The following ZNF529 variants were observed in gnomAD, a reference collection of about 807,000 sequenced individuals.
ZNF529 encodes zinc finger protein 529.
A neutral mutation model predicts 10.1 loss-of-function variants in ZNF529; 11 were observed. The observed-to-expected ratio is 1.09, with a 90% CI of 0.69 to 1.81. The LOEUF is 1.81. Among genes scored for constraint, ZNF529 ranks in the 40% most tolerant of loss-of-function variants. The pLI is 0.00. For missense variants in ZNF529, 624 were observed against 666.8 expected, an observed-to-expected ratio of 0.94 and a Z score of 0.71; for synonymous variants, 204 against 215.7, an observed-to-expected ratio of 0.95 and a Z score of 0.47.
upstream of ZNF529, chr19:36,573,693 T>C (rs1294191823): frequency 2.1e-4 from 69 of 327,432 alleles, no homozygotes; most frequent in Non-Finnish European, 4.4e-5. Context: ...GTGAAGGGAG[T>C]CGCGGACCCG....
At chr19:36,554,579 T>A (rs1600259650) in intron 4 of ZNF529, 91 bp downstream of exon 4, 2 of 1,188,992 alleles carry the variant, frequency 1.7e-6, no homozygotes, top group Non-Finnish European at 2.2e-6. Flanking sequence ...CTCCATCTCA[T>A]AAACAAAACA....
upstream of ZNF529, chr19:36,574,963 G>A (rs143258526): frequency 2.1e-6 from 1 of 467,010 alleles, no homozygotes; most frequent in Admixed American, 2.4e-5. Flanking sequence ...GTTGTGATTT[G>A]TGTGTGTGAG....
At chr19:36,603,006 A>C (rs986528053) in intron 1 of ZNF529, among the ~76,000 whole-genome samples, 2 of 151,432 alleles carry the variant, frequency 1.3e-5, no homozygotes, top group African/African-American at 4.9e-5. Flanking sequence ...TAAATCTCCT[A>C]AGGTATCCCC....
At chr19:36,568,474 C>CG (rs1555787630) in intron 2 of ZNF529, among the ~76,000 whole-genome samples, 1 of 131,172 alleles carries the variant, frequency 7.6e-6, no homozygotes, top group East Asian at 2.2e-4. Context: ...GATTTTCTTT[C>CG]TTTTTTTTTT....
Position 36,548,074 on chromosome 19 carries a change from G to A in ZNF529, c.484C>T (p.Arg162Trp), listed in dbSNP as rs377516723. 1.1e-5 allele frequency: 18 copies of A among 1,613,758 alleles called. 1 individual carries two copies. Among genetic ancestry groups the A allele is most frequent in the Admixed American group, 6.7e-5 (4 of 60,004 alleles). ...GGCTTCTCACTGTCATGAGTTCTCCGAGGTAAAGTAAGAGATTCATGAGTT... is the reference window on the plus strand; with the variant it reads ...GGCTTCTCACTGTCATGAGTTCTCCAAGGTAAAGTAAGAGATTCATGAGTT... ...YKTHESLTLP[R>W]RTHDSEKPYE... Residue 162 changes from arginine (R) to tryptophan (W), a missense_variant, in exon 5 of 5, where the codon CGG becomes TGG. Coordinates refer to ENST00000591340, the MANE Select transcript of ZNF529 (RefSeq NM_020951.5).
intron 1 of ZNF529, among the ~76,000 whole-genome samples, chr19:36,598,885 G>A (rs1312711711): frequency 6.6e-6 from 1 of 152,054 alleles, no homozygotes; most frequent in African/African-American, 2.4e-5. Context: ...GCTTTCTGAG[G>A]CCTGCTCTTT....
chr19:36,602,443 CTTT>C (rs34137129), intron 1 of ZNF529, among the ~76,000 whole-genome samples: 1 of 146,640 alleles, frequency 6.8e-6, no homozygotes, highest in Non-Finnish European at 1.5e-5. Flanking sequence ...TATTACTCTC[CTTT>C]TTTTTTTTTT....
intron 2 of ZNF529, among the ~76,000 whole-genome samples, chr19:36,563,586 G>C: frequency 6.6e-6 from 1 of 152,044 alleles, no homozygotes; most frequent in South Asian, 2.1e-4. Context: ...CAGCTAACCA[G>C]GGAGGTGAAA....
In ZNF529 at chr19:36,588,039, T is replaced by C. The variant is rs577134613; in HGVS notation, c.-41+1576A>G. 5.9e-5 allele frequency among the ~76,000 whole-genome samples: 9 copies of C among 152,168 alleles called. No homozygotes were observed. In the East Asian group the frequency reaches 1.4e-3, roughly 23 times the overall value. ...GGCATGTGCCTGTAATCCCAGCTAT[T>C]TGGGAGGCTGAGGCAGGAGACTCGC... On this transcript the variant is annotated intron_variant, in intron 2 of 4. Transcript: ENST00000585960.
chr19:36,577,023 G>A, upstream of ZNF529: 1 of 289,602 alleles, frequency 3.5e-6, no homozygotes, highest in Non-Finnish European at 7.0e-6. Flanking sequence ...CACAATCTTG[G>A]CTCACTGCAG....
intron 1 of ZNF529, chr19:36,594,101 A>G (rs2036787563): frequency 6.6e-6 from 1 of 152,156 alleles, no homozygotes; most frequent in Non-Finnish European, 1.5e-5. Flanking sequence ...TAAGCCACTC[A>G]ACCCTATCTT....
chr19:36,592,009 C>T (rs2036728318), intron 1 of ZNF529, among the ~76,000 whole-genome samples: 1 of 151,832 alleles, frequency 6.6e-6, no homozygotes, highest in African/African-American at 2.4e-5. Flanking sequence ...CATAGCAGCT[C>T]GTGCCTATAA....
At chr19:36,595,596 G>A (rs1359815081) in intron 1 of ZNF529, among the ~76,000 whole-genome samples, 1 of 152,052 alleles carries the variant, frequency 6.6e-6, no homozygotes, top group Non-Finnish European at 1.5e-5. Flanking sequence ...CTTCTTGGAG[G>A]TTGAGCTACT....
chr19:36,555,380 G>A (rs1475844711), intron 3 of ZNF529, among the ~76,000 whole-genome samples: 1 of 89,348 alleles, frequency 1.1e-5, no homozygotes, highest in Non-Finnish European at 2.2e-5. Context: ...TGCAAGCTCC[G>A]CTTCCCGGGT....
At chr19:36,552,299 A>G (rs1022322307) in intron 4 of ZNF529, among the ~76,000 whole-genome samples, 1 of 152,076 alleles carries the variant, frequency 6.6e-6, no homozygotes, top group Non-Finnish European at 1.5e-5. Context: ...GCGTGGTGGC[A>G]TGCGCCTGTA....
chr19:36,555,370 T>C, intron 3 of ZNF529, among the ~76,000 whole-genome samples: 1 of 28,116 alleles, frequency 3.6e-5, no homozygotes, highest in East Asian at 5.8e-4. Flanking sequence ...CTCGGCTCAC[T>C]GCAAGCTCCG....
intron 2 of ZNF529, among the ~76,000 whole-genome samples, chr19:36,557,585 G>A (rs2035528032): frequency 6.6e-6 from 1 of 152,176 alleles, no homozygotes; most frequent in Non-Finnish European, 1.5e-5. Flanking sequence ...ATCTCCACCT[G>A]GTCCTGCCCT....
In ZNF529 at chr19:36,545,245, A is replaced by C. The variant is rs890809122; in HGVS notation, c.*1621T>G. On this transcript the variant is annotated 3_prime_UTR_variant, in exon 5 of 5. Transcript: ENST00000591340. ...AAATAAATAAATAAATCCAATAACC[A>C]GGCTGGGTGCGGTGGCTCATGCCTG... 1.4e-5 allele frequency: 2 copies of C among 142,618 alleles called. No individual in the cohort carries two copies. The highest frequency in any genetic ancestry group is 2.6e-5 in the African/African-American group (1 of 37,932). The allele number at this position is 142,618 out of a possible 1,614,324, so 8.8% of individuals were successfully genotyped here.
intron 2 of ZNF529, among the ~76,000 whole-genome samples, chr19:36,583,770 T>C (rs1240762835): frequency 6.6e-6 from 1 of 152,004 alleles, no homozygotes; most frequent in Non-Finnish European, 1.5e-5. Flanking sequence ...AAAAAAGATC[T>C]TAAGTATAGA....
Sources: gnomAD v4.1 joint callset for allele counts (sites outside exome capture counted in the v4.1 genomes callset) on GRCh38, gnomAD v4.1.1 for gene constraint, MANE v1.5 for transcripts, NCBI Gene and HGNC (gene_info 2026-07-23, HGNC 2026-07-21) for gene names.